GVQW3: variants seen among roughly 807,000 people sequenced by gnomAD.
GVQW3 encodes the protein protein GVQW3.
A neutral mutation model predicts 12.5 loss-of-function variants in GVQW3; 7 were observed. That is an observed-to-expected ratio of 0.56 (90% CI 0.32 to 1.05). GVQW3 has a LOEUF of 1.05. GVQW3 is among the 50% of genes least tolerant of loss of function. The pLI is 0.04. For missense variants in GVQW3, 188 were observed against 190.8 expected (o/e 0.99, Z 0.09); for synonymous variants, 71 against 67.2 (o/e 1.06, Z -0.28).
chr11:76,386,456 C>G (rs895758176), intron 1 of GVQW3, among the ~76,000 whole-genome samples: 3 of 152,174 alleles, frequency 2.0e-5, no homozygotes, highest in Non-Finnish European at 4.4e-5. Context: ...TAGTCAAAGA[C>G]TAAGACTTGC....
intron 1 of GVQW3, among the ~76,000 whole-genome samples, chr11:76,398,831 AAACT>A (rs1254052381): frequency 4.6e-5 from 7 of 152,226 alleles, no homozygotes; most frequent in Admixed American, 1.3e-4. Context: ...TCTGTGAGGT[AAACT>A]AACTGTCTTT....
In GVQW3 at chr11:76,405,504, T is replaced by G. The variant is rs1205662208; in HGVS notation, c.*1746T>G. On this transcript the variant is annotated 3_prime_UTR_variant, in exon 2 of 2. Coordinates refer to ENST00000529331, the MANE Select transcript of GVQW3 (RefSeq NM_001347885.2). Reference sequence around the variant, plus strand: ...TTACTAATGGGACCTAACACACAGCTGGCAAAAGGCACAGTTAGAGCCACA... The same window carrying G: ...TTACTAATGGGACCTAACACACAGCGGGCAAAAGGCACAGTTAGAGCCACA... 2 of 152,238 alleles carry G rather than the reference T, an allele frequency of 1.3e-5. No individual in the cohort carries two copies. Among genetic ancestry groups the G allele is most frequent in the Non-Finnish European group, 2.9e-5 (2 of 68,046 alleles). The allele number at this position is 152,238 out of a possible 1,614,324, so 9.4% of individuals were successfully genotyped here. A position where few individuals can be genotyped will look rare whatever the true frequency, so the allele number is the denominator to read the frequency against.
rs573359862 is a variant in GVQW3, at chr11:76,388,952, A to G, written c.465+6659A>G. ...TCTGAAAAGCAATTTGGCAATATCT[A>G]TCAGGAGCTTTAAAAATGTTTAGAT... On this transcript the variant is annotated intron_variant, in intron 1 of 1. Coordinates refer to ENST00000529331, the MANE Select transcript of GVQW3 (RefSeq NM_001347885.2). Among the ~76,000 whole-genome samples, 8 of 152,352 alleles carry G rather than the reference A, an allele frequency of 5.3e-5. No individual in the cohort carries two copies. The South Asian group carries it at 1.7e-3, about 32-fold the overall frequency.
chr11:76,409,174 G>A (rs1474977362), downstream of GVQW3, among the ~76,000 whole-genome samples: 1 of 152,072 alleles, frequency 6.6e-6, no homozygotes, highest in Non-Finnish European at 1.5e-5. Flanking sequence ...ATTTATTTAT[G>A]CAACGAATGT....
intron 1 of GVQW3, among the ~76,000 whole-genome samples, chr11:76,403,181 C>T (rs1234475795): frequency 6.6e-6 from 1 of 152,028 alleles, no homozygotes; most frequent in Non-Finnish European, 1.5e-5. Flanking sequence ...CTCCTGACCT[C>T]ATGATCCGCC....
At chr11:76,394,898 A>G (rs1250989731) in intron 1 of GVQW3, 1 of 152,166 alleles carries the variant, frequency 6.6e-6, no homozygotes, top group Non-Finnish European at 1.5e-5. Flanking sequence ...CTGGGGTGAG[A>G]TGATATCTTA....
chr11:76,382,489 C>T (rs1565240090), intron 1 of GVQW3, 196 bp downstream of exon 1: 3 of 626,626 alleles, frequency 4.8e-6, no homozygotes, highest in Non-Finnish European at 8.5e-6. Flanking sequence ...TGAACCAGAA[C>T]TAGGATGCTG....
chr11:76,414,543 T>A (rs1947102432), exon 2 of GVQW3: 1 of 150,932 alleles, frequency 6.6e-6, no homozygotes, highest in African/African-American at 2.5e-5. Context: ...TCCTAAATAT[T>A]CTTAGATCCA....
rs1449650913 is a variant in GVQW3, at chr11:76,381,436, T to A, written c.-393T>A. The A allele has an allele frequency of 2.4e-5, 4 of 169,756 alleles. No homozygotes were observed. The highest frequency in any genetic ancestry group is 5.1e-5 in the Non-Finnish European group (4 of 79,138). 10.5% of individuals were successfully genotyped at this position (169,756 alleles called of 1,614,324 possible). On this transcript the variant is annotated 5_prime_UTR_variant, in exon 1 of 2. The change abolishes an upstream ATG in the 5' untranslated region. Coordinates refer to ENST00000529331, the MANE Select transcript of GVQW3 (RefSeq NM_001347885.2). ...GCGAGCTTGCACGTTACATCACCGA[T>A]GCATCTCTTCTTGCTTGCTTAATTT...
rs555787576 is a variant in GVQW3 at position 76,386,008 on chromosome 11, GGGATGTCAGTA to G, written c.465+3719_465+3729del. ...CAATAGATCAAGCCTGGCTTTCTGT[GGGATGTCAGTA>G]GGAGAGCTGGCCATCTGCAAACTTT... is the stretch of plus-strand genomic sequence containing the variant. On this transcript the variant is annotated intron_variant, in intron 1 of 1. Transcript: ENST00000529331. 4.7e-3 allele frequency among the ~76,000 whole-genome samples: 717 copies of G among 152,302 alleles called. 1 individual carries two copies. Among genetic ancestry groups the G allele is most frequent in the Non-Finnish European group, 7.0e-3 (477 of 68,010 alleles).
intron 1 of GVQW3, among the ~76,000 whole-genome samples, chr11:76,386,887 T>G (rs904324349): frequency 6.6e-6 from 1 of 152,128 alleles, no homozygotes; most frequent in African/African-American, 2.4e-5. Context: ...AAATCTATAG[T>G]GGGGAGCTCC....
intron 1 of GVQW3, among the ~76,000 whole-genome samples, chr11:76,388,317 T>C (rs1946856539): frequency 6.6e-6 from 1 of 152,246 alleles, no homozygotes; most frequent in African/African-American, 2.4e-5. Context: ...GATACATATG[T>C]GTATTTGCAC....
chr11:76,400,577 T>C (rs377114145), intron 1 of GVQW3, among the ~76,000 whole-genome samples: 8 of 151,824 alleles, frequency 5.3e-5, no homozygotes, highest in African/African-American at 1.9e-4. Flanking sequence ...CACACCACCA[T>C]GCCTGGCTAA....
intron 1 of GVQW3, among the ~76,000 whole-genome samples, chr11:76,400,881 A>G (rs1946983163): frequency 6.6e-6 from 1 of 152,140 alleles, no homozygotes; most frequent in African/African-American, 2.4e-5. Context: ...CTCTTCAGCT[A>G]GCTCGAATAT....
At chr11:76,412,623 G>A (rs1947087122), downstream of GVQW3, 1 of 152,204 alleles carries the variant, frequency 6.6e-6, no homozygotes, top group African/African-American at 2.4e-5. Context: ...CTGTCCCTCA[G>A]TCAGAGAAAA....
At chr11:76,401,828 G>A (rs1237868754) in intron 1 of GVQW3, among the ~76,000 whole-genome samples, 1 of 151,532 alleles carries the variant, frequency 6.6e-6, no homozygotes, top group Admixed American at 6.6e-5. Context: ...TTATCTCAAT[G>A]GGTGCCTGCA....
chr11:76,397,481 C>T (rs1946949836), intron 1 of GVQW3, among the ~76,000 whole-genome samples: 1 of 152,190 alleles, frequency 6.6e-6, no homozygotes, highest in Non-Finnish European at 1.5e-5. Context: ...CTTAGGTATA[C>T]ACCTAGGAGC....
At chr11:76,401,504 TG>T (rs1946988595) in intron 1 of GVQW3, among the ~76,000 whole-genome samples, 2 of 152,120 alleles carry the variant, frequency 1.3e-5, no homozygotes, top group South Asian at 4.1e-4. Flanking sequence ...CCGGGCGTGG[TG>T]GCTCACGCCT....
downstream of GVQW3, chr11:76,412,487 T>C (rs7115322): frequency 0.57 from 86,434 of 151,382 alleles, 24,927 homozygotes; most frequent in South Asian, 0.65. Flanking sequence ...AAGGACAGAA[T>C]AAAATCAAGT....
Sources: allele counts gnomAD v4.1 joint callset (sites outside exome capture counted in the v4.1 genomes callset), GRCh38; gene constraint gnomAD v4.1.1; transcripts MANE v1.5; gene names NCBI Gene and HGNC (gene_info 2026-07-23, HGNC 2026-07-21).